The following LDHA variants were observed in gnomAD, a reference collection of about 807,000 sequenced individuals.
The protein encoded by LDHA is L-lactate dehydrogenase A chain.
Under a neutral mutation model 36.3 loss-of-function variants are expected in LDHA, and 10 were observed. That is an observed-to-expected ratio of 0.28 (90% CI 0.17 to 0.47). LDHA has a LOEUF of 0.47. LDHA is among the 20% of genes least tolerant of loss of function. LDHA has a pLI of 0.99. For synonymous variants in LDHA, 110 were observed against 136.7 expected (o/e 0.80, Z 1.36); for missense variants, 267 against 405.8 (o/e 0.66, Z 2.94).
At chr11:18,399,730 G>A in intron 3 of LDHA, 182 bp downstream of exon 3, 1 of 619,996 alleles carries the variant, frequency 1.6e-6, no homozygotes, top group East Asian at 3.0e-5. Context: ...AAAGAAACTG[G>A]GACTATAGGG....
rs1228859232 is a variant in LDHA, at chr11:18,403,755, AGG to A, written c.656_657del (p.Gly219AspfsTer2). The A allele has an allele frequency of 6.2e-7, 1 of 1,611,936 alleles. No homozygotes were observed. The highest frequency in any genetic ancestry group is 8.5e-7 in the Non-Finnish European group (1 of 1,178,110). On this transcript the variant is annotated frameshift_variant, in exon 6 of 8. Transcript: ENST00000422447. LOFTEE classifies it high-confidence loss of function. ...CTCTGAAGACTCTGCACCCAGATTT[AGG>A]GACTGATAAAGATAAGGAACAGTGG... is the stretch of plus-strand genomic sequence containing the variant. ...VSLKTLHPDL[G>X]TDKDKEQWKE...
At chr11:18,397,015 C>G (rs1383243390) in intron 2 of LDHA, 47 bp downstream of exon 2, 3 of 1,544,688 alleles carry the variant, frequency 1.9e-6, no homozygotes, top group Non-Finnish European at 2.7e-6. Flanking sequence ...TGACCCCATC[C>G]TCTACCCCCA....
chr11:18,405,189 G>C (rs998743062), intron 6 of LDHA, among the ~76,000 whole-genome samples: 2 of 151,970 alleles, frequency 1.3e-5, no homozygotes, highest in Non-Finnish European at 2.9e-5. Flanking sequence ...ATATTCCATT[G>C]TATCAGTATA....
intron 1 of LDHA, among the ~76,000 whole-genome samples, chr11:18,395,627 A>T (rs977564294): frequency 6.6e-6 from 1 of 152,160 alleles, no homozygotes; most frequent in Non-Finnish European, 1.5e-5. Context: ...CTCTGGGCTG[A>T]CTGCCTGCCT....
At chr11:18,394,825 C>T (rs904931067) in intron 1 of LDHA, 189 bp downstream of exon 1, 3 of 357,384 alleles carry the variant, frequency 8.4e-6, no homozygotes, top group Admixed American at 7.2e-5. Context: ...CGGAGCTCGC[C>T]GCGCTCTGCT....
chr11:18,396,577 C>A (rs769816031), intron 1 of LDHA: 3 of 1,384,658 alleles, frequency 2.2e-6, no homozygotes, highest in South Asian at 1.9e-5. Context: ...GCTATACTTA[C>A]ACCCAAACGT....
At position 18,407,468 on chromosome 11, in the gene LDHA, G is replaced by A; in HGVS notation, c.*187G>A. ...GTAAAATCCACAGCTATATCCTGAT[G>A]CTGGATGGTATTAATCTTGTGTAGT... is the stretch of plus-strand genomic sequence containing the variant. On this transcript the variant is annotated 3_prime_UTR_variant, in exon 8 of 8. Transcript: ENST00000422447. 8.5e-7 allele frequency: 1 copy of A among 1,182,350 alleles called. No homozygotes were observed. The highest frequency in any genetic ancestry group is 1.2e-6 in the Non-Finnish European group (1 of 815,338). The allele number at this position is 1,182,350 out of a possible 1,614,324, so 73.2% of individuals were successfully genotyped here. A position where few individuals can be genotyped will look rare whatever the true frequency, so the allele number is the denominator to read the frequency against.
chr11:18,407,338 G>C lies in LDHA; in HGVS notation c.*57G>C, dbSNP rs577114710. 14 of 1,611,902 alleles carry C rather than the reference G, an allele frequency of 8.7e-6. No homozygotes were observed. The East Asian group carries it at 3.1e-4, about 36-fold the overall frequency. ...AGGCTACAACAGGATTCTAGGTGGA[G>C]GTTGTGCATGTTGTCCTTTTTATCT... On this transcript the variant is annotated 3_prime_UTR_variant, in exon 8 of 8. Transcript: ENST00000422447.
rs1866658578 is a variant in LDHA at position 18,405,690 on chromosome 11, T to C, written c.834+118T>C. ...TACTGACTTAAGTGAAATAAATTAA[T>C]GTACCCACAGCTTACCTTTTTTGAA... On this transcript the variant is annotated intron_variant, in intron 7 of 7. Transcript: ENST00000422447. 3 of 1,151,188 alleles carry C rather than the reference T, an allele frequency of 2.6e-6. No individual in the cohort carries two copies. The South Asian group carries it at 3.7e-5, about 14-fold the overall frequency. 71.3% of individuals were successfully genotyped at this position (1,151,188 alleles called of 1,614,324 possible).
rs886048090 is a variant in LDHA at position 18,407,782 on chromosome 11, C to G, written c.*501C>G. ...CATATAATGTAAAAAGATCTACATA[C>G]AAACAATGCAACCAACTATCCAAGT... On this transcript the variant is annotated 3_prime_UTR_variant, in exon 8 of 8. Transcript: ENST00000422447. 1 of 456,764 alleles carries G rather than the reference C, an allele frequency of 2.2e-6. No individual in the cohort carries two copies. Among genetic ancestry groups the G allele is most frequent in the Non-Finnish European group, 4.4e-6 (1 of 228,598 alleles). 28.3% of individuals were successfully genotyped at this position (456,764 alleles called of 1,614,324 possible). A position where few individuals can be genotyped will look rare whatever the true frequency, so the allele number is the denominator to read the frequency against.
At chr11:18,398,846 C>T (rs2134020705) in intron 2 of LDHA, 1 of 160,494 alleles carries the variant, frequency 6.2e-6, no homozygotes, top group Middle Eastern at 3.3e-3. Flanking sequence ...GATCTCCTGA[C>T]CTCGTGATCC....
rs150985861 is a variant in LDHA at position 18,405,039 on chromosome 11, C to T, written c.711-410C>T. Among the ~76,000 whole-genome samples, 22 of 152,228 alleles carry T rather than the reference C, an allele frequency of 1.4e-4. No individual in the cohort carries two copies. In the East Asian group the frequency reaches 4.1e-3, roughly 28 times the overall value. ...TTCCCCCAGCTATCCCTCTGTCCCC[C>T]TCACGCTCCCACTTGAGATAATCCT... On this transcript the variant is annotated intron_variant, in intron 6 of 7. Transcript: ENST00000422447.
At chr11:18,403,867 A>T in intron 6 of LDHA, 56 bp downstream of exon 6, 1 of 1,023,684 alleles carries the variant, frequency 9.8e-7, no homozygotes, top group Non-Finnish European at 1.5e-6. Flanking sequence ...ATTTTTATTT[A>T]AAAGGTTAAA....
At chr11:18,399,073 A>G (rs926100543) in intron 2 of LDHA, 1 of 279,906 alleles carries the variant, frequency 3.6e-6, no homozygotes, top group African/African-American at 2.2e-5. Flanking sequence ...ATGAATAACA[A>G]CCTAAAATTG....
At chr11:18,396,231 G>A (rs901396536) in intron 1 of LDHA, 3 of 301,260 alleles carry the variant, frequency 1.0e-5, no homozygotes, top group Non-Finnish European at 1.8e-5. Context: ...GCATGCGCAC[G>A]CGCACAAGTT....
rs201419761 is a variant in LDHA, at chr11:18,407,812, T to C, written c.*531T>C. 8 of 454,882 alleles carry C rather than the reference T, an allele frequency of 1.8e-5. No homozygotes were observed. The highest frequency in any genetic ancestry group is 4.0e-5 in the African/African-American group (2 of 50,062). The allele number at this position is 454,882 out of a possible 1,614,324, so 28.2% of individuals were successfully genotyped here. A position where few individuals can be genotyped will look rare whatever the true frequency, so the allele number is the denominator to read the frequency against. On this transcript the variant is annotated 3_prime_UTR_variant, in exon 8 of 8. Coordinates refer to ENST00000422447, the MANE Select transcript of LDHA (RefSeq NM_005566.4). ...AATGCAACCAACTATCCAAGTGTTATACCAACTAAAACCCCCAATAAACCT... is the reference window on the plus strand; with the variant it reads ...AATGCAACCAACTATCCAAGTGTTACACCAACTAAAACCCCCAATAAACCT...
At chr11:18,400,683 G>A in intron 3 of LDHA, 154 bp from the exon 4 acceptor site, 1 of 694,626 alleles carries the variant, frequency 1.4e-6, no homozygotes, top group Non-Finnish European at 2.6e-6. Context: ...CTACAAGGAA[G>A]ATGTTGACAT....
intron 6 of LDHA, among the ~76,000 whole-genome samples, chr11:18,404,863 C>G (rs1162633116): frequency 1.3e-5 from 2 of 151,504 alleles, no homozygotes; most frequent in East Asian, 3.9e-4. Flanking sequence ...ATTGGTCAAG[C>G]AAGGCCCTCT....
At chr11:18,400,495 T>G in intron 3 of LDHA, 1 of 364,186 alleles carries the variant, frequency 2.7e-6, no homozygotes, top group Non-Finnish European at 5.3e-6. Context: ...AATTGCCTGT[T>G]CCTGGGCTGA....
Sources: allele counts gnomAD v4.1 joint callset (sites outside exome capture counted in the v4.1 genomes callset), GRCh38; gene constraint gnomAD v4.1.1; transcripts MANE v1.5; gene names NCBI Gene and HGNC (gene_info 2026-07-23, HGNC 2026-07-21).